Variants in IL16 observed in about 807,000 individuals in gnomAD.
The protein encoded by IL16 is pro-interleukin-16.
In IL16, 67 loss-of-function variants were observed where a neutral mutation model predicts 110.1. The observed-to-expected ratio is 0.61, with a 90% CI of 0.50 to 0.75. The LOEUF (loss-of-function observed/expected upper bound fraction) is 0.75, where lower values mean the gene tolerates loss of function less well. Among genes scored for constraint, IL16 ranks in the 30% least tolerant of loss-of-function variants. IL16 has a pLI of 0.00. For synonymous variants in IL16, 689 were observed against 662.9 expected (o/e 1.04, Z -0.61); for missense variants, 1,545 against 1,655.0 (o/e 0.93, Z 1.15).
At chr15:81,215,533 C>A (rs1010457489) in intron 1 of IL16, among the ~76,000 whole-genome samples, 2 of 152,156 alleles carry the variant, frequency 1.3e-5, no homozygotes, top group African/African-American at 4.8e-5. Context: ...GGGGTGGAGA[C>A]AAATGGCCCC....
intron 11 of IL16, among the ~76,000 whole-genome samples, chr15:81,290,811 G>A (rs887659858): frequency 4.6e-5 from 7 of 152,104 alleles, no homozygotes; most frequent in African/African-American, 1.2e-4. Flanking sequence ...GGTCTCCACC[G>A]TTCCCTTTAT....
Position 81,299,892 on chromosome 15 carries a change from G to C in IL16, c.2566G>C (p.Asp856His). Residue 856 changes from aspartate (D) to histidine (H), a missense_variant, in exon 14 of 19, where the codon GAC becomes CAC. Physicochemically the swap from Asp to His is moderately conservative, Grantham distance 81. Transcript: ENST00000683961. ...FETFGSSQLP[D>H]KGAQRLSLQP... ...AACCTTTGGCTCCTCTCAACTGCCT[G>C]ACAAAGGAGCCCAGAGACTGAGCCT... The C allele has an allele frequency of 6.2e-7, 1 of 1,613,566 alleles. No individual in the cohort carries two copies. The highest frequency in any genetic ancestry group is 8.5e-7 in the Non-Finnish European group (1 of 1,180,014).
intron 1 of IL16, among the ~76,000 whole-genome samples, chr15:81,214,968 T>C (rs1896374459): frequency 6.6e-6 from 1 of 152,256 alleles, no homozygotes; most frequent in African/African-American, 2.4e-5. Flanking sequence ...CTTTCAGCTC[T>C]AGAAGTTCAG....
chr15:81,222,918 G>A (rs1896667584), intron 1 of IL16, among the ~76,000 whole-genome samples: 1 of 152,114 alleles, frequency 6.6e-6, no homozygotes, highest in African/African-American at 2.4e-5. Context: ...GGAATTGGCA[G>A]GATGCAGAGA....
chr15:81,281,844 G>A (rs7181126), intron 8 of IL16, among the ~76,000 whole-genome samples: 4,328 of 152,310 alleles, frequency 0.028, 234 homozygotes, highest in African/African-American at 0.1. Flanking sequence ...CATCTTCACT[G>A]GAGGTGAAGT....
chr15:81,255,133 G>A (rs1030419408), intron 2 of IL16, among the ~76,000 whole-genome samples: 12 of 152,172 alleles, frequency 7.9e-5, no homozygotes, highest in African/African-American at 2.9e-4. Context: ...GTATAGATGA[G>A]TACTAGACCC....
rs1900969944 is a variant in IL16, at chr15:81,313,375, A to G, written c.*4577A>G. 6.4e-7 allele frequency: 1 copy of G among 1,573,128 alleles called. No individual in the cohort carries two copies. The highest frequency in any genetic ancestry group is 8.6e-7 in the Non-Finnish European group (1 of 1,158,946). On this transcript the variant is annotated 3_prime_UTR_variant, in exon 19 of 19. Transcript: ENST00000683961. ...TAACCGCTGAGGTCGGTATGGAAGA[A>G]TGTGACCAGGTTGGTCTTGGTGGGT...
chr15:81,282,890 G>C (rs115472777), intron 9 of IL16, 134 bp downstream of exon 9: 1 of 777,952 alleles, frequency 1.3e-6, no homozygotes, highest in Admixed American at 1.8e-5. Context: ...CGCTCCGCCC[G>C]CCAGGACACC....
At chr15:81,248,716 T>C (rs1897654648) in intron 2 of IL16, among the ~76,000 whole-genome samples, 1 of 123,442 alleles carries the variant, frequency 8.1e-6, no homozygotes, top group Admixed American at 7.5e-5. Context: ...TTTTTCTTTC[T>C]TTCTTTTTTT....
intron 12 of IL16, 37 bp downstream of exon 12, chr15:81,293,074 A>C: frequency 6.4e-7 from 1 of 1,553,938 alleles, no homozygotes; most frequent in Non-Finnish European, 8.7e-7. Context: ...TGTTTCCAGG[A>C]CCAGACTCAA....
At chr15:81,276,324 C>G (rs189498092) in intron 6 of IL16, among the ~76,000 whole-genome samples, 1 of 152,136 alleles carries the variant, frequency 6.6e-6, no homozygotes, top group African/African-American at 2.4e-5. Context: ...GTGGAAATGC[C>G]CAGCTGCTAA....
intron 2 of IL16, among the ~76,000 whole-genome samples, chr15:81,226,277 C>T (rs77291485): frequency 6.5e-4 from 99 of 152,300 alleles, no homozygotes; most frequent in African/African-American, 2.3e-3. Context: ...TAAGCAGTGT[C>T]TGGGGACCTG....
At chr15:81,252,761 T>C (rs927187457) in intron 2 of IL16, among the ~76,000 whole-genome samples, 1 of 152,218 alleles carries the variant, frequency 6.6e-6, no homozygotes, top group Non-Finnish European at 1.5e-5. Context: ...CTGGCTTCTT[T>C]CGTTTCATTT....
upstream of IL16, among the ~76,000 whole-genome samples, chr15:81,191,893 A>G (rs1424245420): frequency 6.6e-6 from 1 of 152,202 alleles, no homozygotes; most frequent in African/African-American, 2.4e-5. Flanking sequence ...AGTTTGGGAG[A>G]TAAACAAGGG....
chr15:81,243,143 G>GTATATATATATA (rs1275444035), intron 2 of IL16, among the ~76,000 whole-genome samples: 578 of 47,134 alleles, frequency 0.012, 18 homozygotes, highest in Middle Eastern at 0.016. Flanking sequence ...AGCTATATAA[G>GTATATATATATA]TATATATATA....
intron 1 of IL16, among the ~76,000 whole-genome samples, chr15:81,215,814 G>C (rs1201207190): frequency 6.6e-6 from 1 of 152,188 alleles, no homozygotes; most frequent in East Asian, 1.9e-4. Context: ...TCCTGGCTTT[G>C]TATTCCTGAG....
At chr15:81,214,550 G>T (rs1389626409) in intron 1 of IL16, among the ~76,000 whole-genome samples, 2 of 131,558 alleles carry the variant, frequency 1.5e-5, no homozygotes, top group Non-Finnish European at 3.1e-5. Context: ...TTGCCTTTAA[G>T]ATTTTTTTTT....
chr15:81,262,970 T>G lies in IL16; in HGVS notation c.422-2689T>G, dbSNP rs28563904. 3.0e-3 allele frequency among the ~76,000 whole-genome samples: 455 copies of G among 152,348 alleles called. 1 individual carries two copies. Among genetic ancestry groups the G allele is most frequent in the African/African-American group, 0.01 (425 of 41,578 alleles). Reference sequence around the variant, plus strand: ...AAGCTCAGATAGTTGAAATCAGTGTTATAGATCATATTTATTTTTACTTAG... The same window carrying G: ...AAGCTCAGATAGTTGAAATCAGTGTGATAGATCATATTTATTTTTACTTAG... On this transcript the variant is annotated intron_variant, in intron 3 of 18. Transcript: ENST00000683961.
chr15:81,284,512 C>T (rs1028955517), intron 9 of IL16, among the ~76,000 whole-genome samples: 1 of 152,212 alleles, frequency 6.6e-6, no homozygotes, highest in Non-Finnish European at 1.5e-5. Context: ...CTTAGATCTG[C>T]AGTGGAGTAG....
Sources: gnomAD v4.1 joint callset for allele counts (sites outside exome capture counted in the v4.1 genomes callset) on GRCh38, gnomAD v4.1.1 for gene constraint, MANE v1.5 for transcripts, NCBI Gene and HGNC (gene_info 2026-07-23, HGNC 2026-07-21) for gene names.